The following FRMPD1 variants were observed in gnomAD, a reference collection of about 807,000 sequenced individuals.
The protein encoded by FRMPD1 is FERM and PDZ domain containing 1.
Under a neutral mutation model 117.8 loss-of-function variants are expected in FRMPD1, and 76 were observed. The observed-to-expected ratio is 0.65, with a 90% confidence interval of 0.54 to 0.78. The LOEUF (loss-of-function observed/expected upper bound fraction) is 0.78. Ranked by LOEUF, FRMPD1 falls within the 30% of genes least tolerant of loss-of-function variation. The pLI, the probability that FRMPD1 is intolerant of heterozygous loss-of-function variation, is 0.00. For missense variants in FRMPD1, 1,786 were observed against 1,964.5 expected (o/e 0.91, Z 1.72); for synonymous variants, 783 against 770.4 (o/e 1.02, Z -0.27).
At chr9:37,603,607 A>G in the FRMPD1 span, among the ~76,000 whole-genome samples, 1 of 152,106 alleles carries the variant, frequency 6.6e-6, no homozygotes, top group African/African-American at 2.4e-5. Context: ...TAGAATGATC[A>G]TATTTGGGGA....
chr9:37,613,082 T>G, the FRMPD1 span, among the ~76,000 whole-genome samples: 1 of 152,212 alleles, frequency 6.6e-6, no homozygotes, highest in African/African-American at 2.4e-5. Flanking sequence ...GCAAGGTGAT[T>G]TTTCATTTTC....
rs1004494456 is a variant in FRMPD1 at position 37,651,010 on chromosome 9, G to T, written c.-89G>T. The T allele has an allele frequency of 6.6e-6, 1 of 152,008 alleles. No homozygotes were observed. Among genetic ancestry groups the T allele is most frequent in the Non-Finnish European group, 1.5e-5 (1 of 68,000 alleles). 9.4% of individuals were successfully genotyped at this position (152,008 alleles called of 1,614,324 possible). ...TGCTTCCCGAGCCTTGGCCGCGACC[G>T]TGCCCGCCGCTGGGCGGGGCCGCCC... On this transcript the variant is annotated 5_prime_UTR_variant, in exon 1 of 16. Coordinates refer to ENST00000377765, the MANE Select transcript of FRMPD1 (RefSeq NM_014907.3).
At chr9:37,692,782 C>A in intron 2 of FRMPD1, 40 bp downstream of exon 2, 1 of 1,410,492 alleles carries the variant, frequency 7.1e-7, no homozygotes, top group South Asian at 1.2e-5. Flanking sequence ...CTATAAAGGT[C>A]TGGTGTCCCG....
intron 6 of FRMPD1, among the ~76,000 whole-genome samples, chr9:37,720,532 GT>G (rs1823351555): frequency 6.6e-6 from 1 of 152,232 alleles, no homozygotes; most frequent in Non-Finnish European, 1.5e-5. Flanking sequence ...GGGCGTGGTG[GT>G]GGGCACCTGT....
rs777791640 is a variant in FRMPD1 at position 37,746,183 on chromosome 9, G to A, written c.4151G>A (p.Arg1384Gln). The change falls in exon 16 of 16, where the codon CGA becomes CAA. Residue 1384 changes from arginine (R) to glutamine (Q), a missense_variant. Physicochemically the swap from Arg to Gln is conservative, Grantham distance 43 (BLOSUM62 1). Coordinates refer to ENST00000377765, the MANE Select transcript of FRMPD1 (RefSeq NM_014907.3). Reference protein sequence around the residue: ...SPVVLPWRPARAHSCTTAPLS... With the variant: ...SPVVLPWRPAQAHSCTTAPLS... ...GTGGTTCTGCCCTGGAGGCCTGCCC[G>A]AGCCCACAGCTGCACCACCGCACCC... The A allele has an allele frequency of 3.3e-5, 54 of 1,613,348 alleles. No individual in the cohort carries two copies. The highest frequency in any genetic ancestry group is 4.1e-5 in the Non-Finnish European group (48 of 1,179,886).
chr9:37,686,264 G>T (rs1166562854), intron 1 of FRMPD1, among the ~76,000 whole-genome samples: 1 of 152,236 alleles, frequency 6.6e-6, no homozygotes, highest in Non-Finnish European at 1.5e-5. Context: ...CTGGGCGGTG[G>T]TGGTAGGAGT....
chr9:37,744,345 T>C, intron 15 of FRMPD1, 44 bp from the exon 16 acceptor site: 1 of 1,450,488 alleles, frequency 6.9e-7, no homozygotes. Context: ...ATTAACCTCT[T>C]TTTTTTGTGC....
intron 7 of FRMPD1, among the ~76,000 whole-genome samples, chr9:37,728,979 A>G (rs576468858): frequency 7.1e-6 from 1 of 141,358 alleles, no homozygotes; most frequent in Non-Finnish European, 1.6e-5. Flanking sequence ...AAAAAAAAAA[A>G]GTTTCACTCA....
At chr9:37,663,554 T>A (rs1454981367) in intron 1 of FRMPD1, among the ~76,000 whole-genome samples, 4 of 152,168 alleles carry the variant, frequency 2.6e-5, no homozygotes, top group Non-Finnish European at 2.9e-5. Context: ...TTGCTTACCC[T>A]CTCCACTGCC....
the FRMPD1 span, among the ~76,000 whole-genome samples, chr9:37,628,912 T>C: frequency 2.0e-5 from 3 of 152,194 alleles, no homozygotes; most frequent in African/African-American, 7.2e-5. Context: ...AATTCTACTA[T>C]ATCAGGCCGG....
chr9:37,696,715 A>C (rs1209397693), intron 2 of FRMPD1, among the ~76,000 whole-genome samples: 1 of 152,242 alleles, frequency 6.6e-6, no homozygotes, highest in Non-Finnish European at 1.5e-5. Context: ...AGTGTATTGA[A>C]ATGTCCTCTA....
intron 15 of FRMPD1, 45 bp from the exon 16 acceptor site, chr9:37,744,344 T>C (rs191592354): frequency 2.1e-6 from 3 of 1,418,556 alleles, no homozygotes; most frequent in African/African-American, 2.9e-5. Flanking sequence ...TATTAACCTC[T>C]TTTTTTTGTG....
chr9:37,707,786 T>G (rs1822767513), intron 3 of FRMPD1, among the ~76,000 whole-genome samples: 1 of 152,230 alleles, frequency 6.6e-6, no homozygotes, highest in Non-Finnish European at 1.5e-5. Flanking sequence ...AACCCCAGGC[T>G]CCCACTGGCC....
rs76504587 is a variant in FRMPD1, at chr9:37,702,053, G to A, written c.102-5363G>A. 9.8e-3 allele frequency among the ~76,000 whole-genome samples: 1,496 copies of A among 152,240 alleles called. 12 individuals are homozygous for A. The highest frequency in any genetic ancestry group is 0.016 in the Non-Finnish European group (1,079 of 68,006). ...TACCATTTACTGAGCTCTGAGACACGGAGAAGATAAGTTCTGATTAGGGCA... is the reference window on the plus strand; with the variant it reads ...TACCATTTACTGAGCTCTGAGACACAGAGAAGATAAGTTCTGATTAGGGCA... On this transcript the variant is annotated intron_variant, in intron 2 of 15. Coordinates refer to ENST00000377765, the MANE Select transcript of FRMPD1 (RefSeq NM_014907.3).
the FRMPD1 span, among the ~76,000 whole-genome samples, chr9:37,634,257 G>C: frequency 2.0e-5 from 3 of 152,158 alleles, no homozygotes; most frequent in South Asian, 6.2e-4. Flanking sequence ...TTGATAGCCA[G>C]TGTTTACTTA....
At chr9:37,620,481 G>A in the FRMPD1 span, among the ~76,000 whole-genome samples, 2 of 151,786 alleles carry the variant, frequency 1.3e-5, no homozygotes, top group Non-Finnish European at 2.9e-5. Flanking sequence ...CATAGAGAAG[G>A]CCCTAAGTAA....
intron 1 of FRMPD1, among the ~76,000 whole-genome samples, chr9:37,664,779 A>T (rs1010340809): frequency 1.3e-5 from 2 of 152,344 alleles, no homozygotes; most frequent in East Asian, 3.9e-4. Context: ...AAGAACTGCA[A>T]ACAGAAGCCC....
the FRMPD1 span, among the ~76,000 whole-genome samples, chr9:37,608,332 A>G: frequency 6.6e-6 from 1 of 151,892 alleles, no homozygotes; most frequent in Non-Finnish European, 1.5e-5. Flanking sequence ...GGGCCTAGAA[A>G]CCAATTTCAA....
intron 5 of FRMPD1, among the ~76,000 whole-genome samples, chr9:37,715,963 G>A (rs1339077071): frequency 1.3e-5 from 2 of 152,180 alleles, no homozygotes; most frequent in African/African-American, 4.8e-5. Context: ...CTAAACAACT[G>A]TGCCGTTGAC....
Sources: gnomAD v4.1 joint callset for allele counts (sites outside exome capture counted in the v4.1 genomes callset) on GRCh38, gnomAD v4.1.1 for gene constraint, MANE v1.5 for transcripts, NCBI Gene and HGNC (gene_info 2026-07-23, HGNC 2026-07-21) for gene names.